The following RBFOX1 variants were observed in gnomAD, a reference collection of about 807,000 sequenced individuals.
RBFOX1 encodes the protein RNA binding protein fox-1 homolog 1.
Under a neutral mutation model 57.7 loss-of-function variants are expected in RBFOX1, and 8 were observed. The observed-to-expected ratio is 0.14, with a 90% CI of 0.08 to 0.25. The LOEUF is 0.25. RBFOX1 is among the 10% of genes least tolerant of loss of function. RBFOX1 has a pLI of 1.00. For synonymous variants in RBFOX1, 326 were observed against 222.4 expected (o/e 1.47, Z -4.15); for missense variants, 611 against 548.5 (o/e 1.11, Z -1.14).
At chr16:7,534,990 C>T (rs1056848090) in intron 5 of RBFOX1, among the ~76,000 whole-genome samples, 1 of 152,194 alleles carries the variant, frequency 6.6e-6, no homozygotes, top group African/African-American at 2.4e-5. Context: ...GAGGTAATTA[C>T]AGCTCTGTTA....
intron 2 of RBFOX1, among the ~76,000 whole-genome samples, chr16:6,476,245 G>T (rs1294422427): frequency 6.6e-6 from 1 of 152,118 alleles, no homozygotes; most frequent in Non-Finnish European, 1.5e-5. Context: ...CATTTTGTAT[G>T]ATTTCTTCCA....
intron 3 of RBFOX1, among the ~76,000 whole-genome samples, chr16:5,627,053 C>A (rs562314617): frequency 1.3e-5 from 2 of 152,166 alleles, no homozygotes; most frequent in African/African-American, 4.8e-5. Context: ...TTAGACATCC[C>A]GGCTTTGCAG....
chr16:6,152,983 T>C (rs1163524427), intron 1 of RBFOX1, among the ~76,000 whole-genome samples: 1 of 152,090 alleles, frequency 6.6e-6, no homozygotes, highest in African/African-American at 2.4e-5. Context: ...GCCTTTTTCC[T>C]GTTTTATGAC....
intron 4 of RBFOX1, among the ~76,000 whole-genome samples, chr16:5,914,747 A>C (rs1280081386): frequency 6.6e-6 from 1 of 152,084 alleles, no homozygotes; most frequent in Non-Finnish European, 1.5e-5. Context: ...ATACAAAAAA[A>C]TAGCGGGCAT....
At chr16:6,945,281 T>C (rs2079276141) in intron 3 of RBFOX1, among the ~76,000 whole-genome samples, 1 of 152,114 alleles carries the variant, frequency 6.6e-6, no homozygotes, top group Non-Finnish European at 1.5e-5. Flanking sequence ...TAGCGTGTTA[T>C]GATGGTGAGA....
intron 2 of RBFOX1, among the ~76,000 whole-genome samples, chr16:6,493,851 A>G (rs780664893): frequency 6.6e-6 from 1 of 152,236 alleles, no homozygotes; most frequent in Non-Finnish European, 1.5e-5. Flanking sequence ...AAAGCTAGAA[A>G]TAATCAGTAT....
At chr16:6,423,139 C>T (rs1469547875) in intron 2 of RBFOX1, among the ~76,000 whole-genome samples, 1 of 152,194 alleles carries the variant, frequency 6.6e-6, no homozygotes, top group African/African-American at 2.4e-5. Flanking sequence ...TTTTTCCTCC[C>T]AGGTTGCTGC....
intron 1 of RBFOX1, among the ~76,000 whole-genome samples, chr16:6,307,271 C>T (rs1011647487): frequency 1.6e-4 from 25 of 151,882 alleles, no homozygotes; most frequent in Non-Finnish European, 2.1e-4. Flanking sequence ...TCATTATTGC[C>T]GGGCAGGAGG....
At chr16:6,086,616 C>A (rs2096088498) in intron 1 of RBFOX1, among the ~76,000 whole-genome samples, 1 of 152,076 alleles carries the variant, frequency 6.6e-6, no homozygotes. Flanking sequence ...GGGGCGCATG[C>A]TTGGTTGGGG....
At chr16:6,978,612 C>T (rs897524477) in intron 3 of RBFOX1, among the ~76,000 whole-genome samples, 4 of 152,246 alleles carry the variant, frequency 2.6e-5, no homozygotes, top group South Asian at 2.1e-4. Context: ...GTGCCTTCCA[C>T]ATATTTTCTC....
intron 10 of RBFOX1, among the ~76,000 whole-genome samples, chr16:7,608,044 G>A (rs2056693648): frequency 6.6e-6 from 1 of 152,182 alleles, no homozygotes; most frequent in Admixed American, 6.5e-5. Flanking sequence ...ACTACTGCCT[G>A]TATGTCTCCT....
intron 4 of RBFOX1, among the ~76,000 whole-genome samples, chr16:7,375,092 A>G (rs1019885063): frequency 3.9e-5 from 6 of 152,210 alleles, no homozygotes; most frequent in Non-Finnish European, 7.3e-5. Context: ...TATTTCTGCT[A>G]TGTTTCAGAC....
At chr16:7,066,250 G>C (rs557359752) in intron 4 of RBFOX1, among the ~76,000 whole-genome samples, 11 of 152,178 alleles carry the variant, frequency 7.2e-5, no homozygotes, top group Non-Finnish European at 1.5e-4. Context: ...ATTGAACCCA[G>C]GTCTATATTC....
intron 3 of RBFOX1, among the ~76,000 whole-genome samples, chr16:5,665,415 TCCC>T (rs2049808864): frequency 8.4e-6 from 1 of 119,724 alleles, no homozygotes; most frequent in Non-Finnish European, 2.0e-5. Context: ...AAAGTAGTTC[TCCC>T]TTATACCCCT....
chr16:5,983,485 A>G (rs1398304761), intron 4 of RBFOX1, among the ~76,000 whole-genome samples: 1 of 152,198 alleles, frequency 6.6e-6, no homozygotes, highest in African/African-American at 2.4e-5. Flanking sequence ...CCTTCCAGTG[A>G]AGAGAGGGGT....
chr16:6,706,556 T>A (rs1411479937), intron 3 of RBFOX1, among the ~76,000 whole-genome samples: 1 of 152,140 alleles, frequency 6.6e-6, no homozygotes, highest in East Asian at 1.9e-4. Flanking sequence ...ACAAAACAGA[T>A]TTACCTGTTT....
chr16:5,734,761 A>T (rs2052511885), intron 3 of RBFOX1, among the ~76,000 whole-genome samples: 1 of 152,098 alleles, frequency 6.6e-6, no homozygotes, highest in South Asian at 2.1e-4. Flanking sequence ...CCTGTAGGCT[A>T]TAGGGAATAG....
In RBFOX1 at chr16:7,423,358, G is replaced by A. The variant is rs140946884; in HGVS notation, c.28-94789G>A. ...ATCTTGCAAAAATATAAAAAGTTGT[G>A]GGGGGTGGGGGTGCAGGCAGGGGAG... On this transcript the variant is annotated intron_variant, in intron 4 of 15. Transcript: ENST00000550418. Among the ~76,000 whole-genome samples the A allele has an allele frequency of 1.1e-4, 17 of 152,156 alleles. No homozygotes were observed. The Middle Eastern group carries it at 0.017, about 152-fold the overall frequency.
At chr16:5,573,548 C>A (rs1395693706) in intron 2 of RBFOX1, among the ~76,000 whole-genome samples, 1 of 152,150 alleles carries the variant, frequency 6.6e-6, no homozygotes, top group Non-Finnish European at 1.5e-5. Context: ...ACGGAATGTA[C>A]CAGAAATCAA....
Sources: gnomAD v4.1 joint callset for allele counts (sites outside exome capture counted in the v4.1 genomes callset) on GRCh38, gnomAD v4.1.1 for gene constraint, MANE v1.5 for transcripts, NCBI Gene and HGNC (gene_info 2026-07-23, HGNC 2026-07-21) for gene names.